The following NUBPL variants were observed in gnomAD, a reference collection of about 807,000 sequenced individuals.
NUBPL encodes the protein iron-sulfur cluster transfer protein NUBPL.
In NUBPL, 31 loss-of-function variants were observed where a neutral mutation model predicts 45.7. The ratio of observed to expected loss-of-function variants is 0.68; its 90% CI spans 0.51 to 0.92. NUBPL has a LOEUF of 0.92. NUBPL is among the 40% of genes least tolerant of loss of function. The probability of loss-of-function intolerance (pLI) is 0.00; values close to 1 mark genes in which losing one functional copy is unlikely to be tolerated. For synonymous variants in NUBPL, 144 were observed against 140.9 expected, an observed-to-expected ratio of 1.02 and a Z score of -0.15; for missense variants, 401 against 398.7, an observed-to-expected ratio of 1.01 and a Z score of -0.05.
intron 7 of NUBPL, among the ~76,000 whole-genome samples, chr14:31,791,854 A>T (rs2138833133): frequency 6.6e-6 from 1 of 152,320 alleles, no homozygotes; most frequent in Admixed American, 6.5e-5. Context: ...TTTAATCAAT[A>T]AAAAGCACTA....
intron 7 of NUBPL, among the ~76,000 whole-genome samples, chr14:31,809,493 T>C (rs1007942044): frequency 2.0e-5 from 3 of 152,220 alleles, no homozygotes; most frequent in African/African-American, 7.2e-5. Flanking sequence ...TGTGTCTTTT[T>C]GATTCTTCTC....
intron 4 of NUBPL, among the ~76,000 whole-genome samples, chr14:31,616,497 G>T (rs2034903515): frequency 6.6e-6 from 1 of 150,848 alleles, no homozygotes; most frequent in South Asian, 2.1e-4. Context: ...TGGCTAGCCA[G>T]TTTTTTTTTA....
At chr14:31,590,918 C>A (rs2034125254) in intron 3 of NUBPL, among the ~76,000 whole-genome samples, 1 of 151,982 alleles carries the variant, frequency 6.6e-6, no homozygotes, top group African/African-American at 2.4e-5. Flanking sequence ...TAAAGTTTTT[C>A]TTCTCTTAAT....
intron 7 of NUBPL, among the ~76,000 whole-genome samples, chr14:31,810,186 C>T (rs567411274): frequency 4.6e-5 from 7 of 152,208 alleles, no homozygotes; most frequent in African/African-American, 1.7e-4. Flanking sequence ...AACCTTATGT[C>T]TTGTTGATCT....
chr14:31,608,389 A>C (rs2034660909), intron 4 of NUBPL, among the ~76,000 whole-genome samples: 1 of 152,084 alleles, frequency 6.6e-6, no homozygotes, highest in Non-Finnish European at 1.5e-5. Context: ...CCCTGTCTCT[A>C]CTAAACATAC....
At chr14:31,744,237 A>G (rs968932133) in intron 6 of NUBPL, among the ~76,000 whole-genome samples, 4 of 152,208 alleles carry the variant, frequency 2.6e-5, no homozygotes, top group African/African-American at 7.2e-5. Flanking sequence ...TAAAGAACCT[A>G]TTTTGTATTA....
intron 4 of NUBPL, among the ~76,000 whole-genome samples, chr14:31,611,196 A>G (rs1036871791): frequency 6.6e-6 from 1 of 152,224 alleles, no homozygotes; most frequent in Non-Finnish European, 1.5e-5. Flanking sequence ...GACTCCACAA[A>G]AAAACTATTA....
chr14:31,609,139 A>T (rs1595363241), intron 4 of NUBPL, among the ~76,000 whole-genome samples: 3 of 149,248 alleles, frequency 2.0e-5, no homozygotes, highest in African/African-American at 7.6e-5. Flanking sequence ...CTAAATAGAT[A>T]AAAAAAAACA....
intron 4 of NUBPL, among the ~76,000 whole-genome samples, chr14:31,643,735 T>TA (rs1299873070): frequency 6.6e-6 from 1 of 152,122 alleles, no homozygotes; most frequent in Non-Finnish European, 1.5e-5. Context: ...ATTACTTCTT[T>TA]AAATTTTTGG....
At chr14:31,693,036 A>G (rs1436334902) in intron 6 of NUBPL, among the ~76,000 whole-genome samples, 1 of 152,168 alleles carries the variant, frequency 6.6e-6, no homozygotes, top group Admixed American at 6.5e-5. Context: ...AGTTTTTATT[A>G]CAAGTGCCAT....
At position 31,754,442 on chromosome 14, in the gene NUBPL, A is replaced by G. The variant is rs1186477025; in HGVS notation, c.514-33338A>G. Among the ~76,000 whole-genome samples, 111 of 152,170 alleles carry G rather than the reference A, an allele frequency of 7.3e-4. 1 individual carries two copies. Among genetic ancestry groups the G allele is most frequent in the Admixed American group, 7.1e-3 (108 of 15,280 alleles). On this transcript the variant is annotated intron_variant, in intron 6 of 10. Coordinates refer to ENST00000281081, the MANE Select transcript of NUBPL (RefSeq NM_025152.3). ...AAACATGGTAAGTGAAACTATGAGA[A>G]TGCAATAAGTAAATGTAGAGTATGG...
chr14:31,768,527 C>T (rs59002501), intron 6 of NUBPL, among the ~76,000 whole-genome samples: 24,078 of 152,154 alleles, frequency 0.16, 5,420 homozygotes, highest in African/African-American at 0.5. Flanking sequence ...TGCTTAACTA[C>T]CAGTCCTTTG....
intron 4 of NUBPL, among the ~76,000 whole-genome samples, chr14:31,652,143 C>T (rs1447421506): frequency 1.3e-5 from 2 of 151,994 alleles, no homozygotes; most frequent in African/African-American, 4.8e-5. Flanking sequence ...CTGTCATTTG[C>T]AACTATATGA....
intron 6 of NUBPL, among the ~76,000 whole-genome samples, chr14:31,696,152 T>G (rs1043786297): frequency 2.0e-5 from 3 of 152,194 alleles, no homozygotes; most frequent in Non-Finnish European, 4.4e-5. Context: ...TCTTGGAGTA[T>G]TTTTCTAACC....
chr14:31,766,726 T>G (rs1348887125), intron 6 of NUBPL, among the ~76,000 whole-genome samples: 1 of 152,156 alleles, frequency 6.6e-6, no homozygotes, highest in Non-Finnish European at 1.5e-5. Context: ...GCCAGTGAGA[T>G]CAGGTAACAC....
intron 6 of NUBPL, among the ~76,000 whole-genome samples, chr14:31,749,354 G>A (rs2038471558): frequency 6.6e-6 from 1 of 152,170 alleles, no homozygotes; most frequent in South Asian, 2.1e-4. Context: ...GCTTCCAGAT[G>A]AAGGATGCCT....
At chr14:31,598,866 G>A (rs1164189541) in intron 3 of NUBPL, among the ~76,000 whole-genome samples, 2 of 152,056 alleles carry the variant, frequency 1.3e-5, no homozygotes, top group African/African-American at 4.8e-5. Flanking sequence ...TGGTGTGTTA[G>A]ACAAGCTTTC....
At chr14:31,830,161 C>T (rs964554517) in intron 8 of NUBPL, among the ~76,000 whole-genome samples, 3 of 152,130 alleles carry the variant, frequency 2.0e-5, no homozygotes, top group South Asian at 4.1e-4. Flanking sequence ...CTTACTCCTT[C>T]GGCACATAAG....
intron 6 of NUBPL, among the ~76,000 whole-genome samples, chr14:31,731,711 C>G (rs965124789): frequency 5.3e-5 from 8 of 152,202 alleles, no homozygotes; most frequent in African/African-American, 1.9e-4. Flanking sequence ...AAAGCCTAGA[C>G]TCAAATAGCA....
Sources: allele counts gnomAD v4.1 joint callset (sites outside exome capture counted in the v4.1 genomes callset), GRCh38; gene constraint gnomAD v4.1.1; transcripts MANE v1.5; gene names NCBI Gene and HGNC (gene_info 2026-07-23, HGNC 2026-07-21).